The following RAPGEF2 variants were observed in gnomAD, a reference collection of about 807,000 sequenced individuals.
The protein encoded by RAPGEF2 is PDZ domain containing guanine nucleotide exchange factor (GEF) 1.
Under a neutral mutation model 186.7 loss-of-function variants are expected in RAPGEF2, and 54 were observed. The ratio of observed to expected loss-of-function variants is 0.29; its 90% CI spans 0.23 to 0.36. RAPGEF2 has a LOEUF of 0.36. Among genes scored for constraint, RAPGEF2 ranks in the 10% least tolerant of loss-of-function variants. The probability of loss-of-function intolerance (pLI) is 1.00; values close to 1 mark genes in which losing one functional copy is unlikely to be tolerated. For missense variants in RAPGEF2, 1,532 were observed against 2,045.0 expected, an observed-to-expected ratio of 0.75 and a Z score of 4.84; for synonymous variants, 712 against 705.9, an observed-to-expected ratio of 1.01 and a Z score of -0.14.
intron 8 of RAPGEF2, among the ~76,000 whole-genome samples, chr4:159,314,246 A>C (rs1487131749): frequency 2.0e-5 from 3 of 152,234 alleles, no homozygotes; most frequent in Non-Finnish European, 2.9e-5. Flanking sequence ...CAGAATTGTC[A>C]CCCTTAAGCT....
chr4:159,340,706 C>CACACAT lies in RAPGEF2; in HGVS notation c.2535-857_2535-856insCACATA, dbSNP rs1458099301. On this transcript the variant is annotated intron_variant, in intron 19 of 29. Coordinates refer to ENST00000691494, the MANE Select transcript of RAPGEF2 (RefSeq NM_001394067.2). ...ACACACACACACACACACACACACA[C>CACACAT]ATTTATGGAATTTTCACAGAGAAAG... Among the ~76,000 whole-genome samples the CACACAT allele has an allele frequency of 2.1e-5, 3 of 144,254 alleles. 1 individual carries two copies. The highest frequency in any genetic ancestry group is 3.0e-5 in the Non-Finnish European group (2 of 66,306). 94.6% of individuals were successfully genotyped at this position (144,254 alleles called of 152,430 possible).
chr4:159,293,131 CTA>C (rs780712889), intron 7 of RAPGEF2, among the ~76,000 whole-genome samples: 1 of 151,944 alleles, frequency 6.6e-6, no homozygotes, highest in Non-Finnish European at 1.5e-5. Flanking sequence ...GTATACATGT[CTA>C]TATATGTATT....
intron 1 of RAPGEF2, among the ~76,000 whole-genome samples, chr4:159,112,079 T>C (rs1738558022): frequency 1.3e-5 from 2 of 152,238 alleles, no homozygotes; most frequent in Non-Finnish European, 2.9e-5. Context: ...GTACAGTATA[T>C]GGCCTTTGGA....
chr4:159,311,617 T>C (rs1324239965), intron 8 of RAPGEF2, among the ~76,000 whole-genome samples: 1 of 152,164 alleles, frequency 6.6e-6, no homozygotes, highest in East Asian at 1.9e-4. Context: ...GTGACTTTGC[T>C]AAAATCACAT....
rs79175535 is a variant in RAPGEF2 at position 159,291,933 on chromosome 4, G to A, written c.544-12409G>A. ...AAATTTTAGAAAATGTAGATAAGCAGAAACAAATTTTAATTGTCCATAATC... is the reference window on the plus strand; with the variant it reads ...AAATTTTAGAAAATGTAGATAAGCAAAAACAAATTTTAATTGTCCATAATC... On this transcript the variant is annotated intron_variant, in intron 7 of 29. Transcript: ENST00000691494. Among the ~76,000 whole-genome samples the A allele has an allele frequency of 9.0e-3, 1,377 of 152,166 alleles. 18 individuals carry two copies. Among genetic ancestry groups the A allele is most frequent in the African/African-American group, 0.031 (1,279 of 41,508 alleles).
chr4:159,343,517 A>G (rs1167033386), intron 22 of RAPGEF2, 113 bp downstream of exon 22: 10 of 1,355,374 alleles, frequency 7.4e-6, no homozygotes, highest in African/African-American at 1.5e-5. Context: ...TACGGCAGAA[A>G]TTATAGTAGG....
Position 159,356,162 on chromosome 4 carries a change from T to C in RAPGEF2, c.4957+4T>C. On this transcript the variant is annotated splice_donor_region_variant and intron_variant, in intron 29 of 29. Transcript: ENST00000691494. ...GGGTTTTCCACCGAGGAGGATGGTA[T>C]ATGCACATAAATATTCCTAAAACCT... The C allele has an allele frequency of 6.2e-7, 1 of 1,610,638 alleles. No homozygotes were observed. Among genetic ancestry groups the C allele is most frequent in the Non-Finnish European group, 8.5e-7 (1 of 1,177,214 alleles).
At chr4:159,121,555 G>A (rs1054352654) in intron 1 of RAPGEF2, among the ~76,000 whole-genome samples, 11 of 151,878 alleles carry the variant, frequency 7.2e-5, no homozygotes, top group African/African-American at 2.7e-4. Context: ...TTTTTGTGGA[G>A]ATGGGATCTC....
chr4:159,185,810 C>T (rs1425180077), intron 1 of RAPGEF2, among the ~76,000 whole-genome samples: 1 of 152,040 alleles, frequency 6.6e-6, no homozygotes, highest in East Asian at 1.9e-4. Context: ...GTATGTGAAT[C>T]ATCAGTAAAT....
At chr4:159,251,742 C>T (rs1321384806) in intron 7 of RAPGEF2, among the ~76,000 whole-genome samples, 3 of 151,996 alleles carry the variant, frequency 2.0e-5, no homozygotes, top group Admixed American at 6.6e-5. Flanking sequence ...CCTGTCAAAA[C>T]GGGCCAATCA....
chr4:159,104,186 C>T lies in RAPGEF2; in HGVS notation c.24C>T (p.Ser8=), dbSNP rs1450976688. MASYVDN[S]FRQAVMKNPP... is the part of the protein sequence containing the mutation. Reference sequence around the variant, plus strand: ...AGATGGCGTCCTACGTAGATAACAGCTTCCGCCAGGCGGTGATGAAGAATC... The same window carrying T: ...AGATGGCGTCCTACGTAGATAACAGTTTCCGCCAGGCGGTGATGAAGAATC... Residue 8 remains serine, a synonymous_variant, in exon 1 of 30, where the codon AGC becomes AGT. Transcript: ENST00000691494. 7 of 1,527,618 alleles carry T rather than the reference C, an allele frequency of 4.6e-6. No individual in the cohort carries two copies. The highest frequency in any genetic ancestry group is 2.6e-6 in the Non-Finnish European group (3 of 1,142,166). The allele number at this position is 1,527,618 out of a possible 1,614,324, so 94.6% of individuals were successfully genotyped here. A position where few individuals can be genotyped will look rare whatever the true frequency, so the allele number is the denominator to read the frequency against.
intron 18 of RAPGEF2, 126 bp from the exon 19 acceptor site, chr4:159,338,988 G>C: frequency 8.8e-7 from 1 of 1,130,374 alleles, no homozygotes; most frequent in Non-Finnish European, 1.3e-6. Flanking sequence ...AAGACCTAGA[G>C]TAAGGGAGAG....
chr4:159,155,923 G>A (rs1477819963), intron 1 of RAPGEF2, among the ~76,000 whole-genome samples: 2 of 151,890 alleles, frequency 1.3e-5, no homozygotes, highest in Non-Finnish European at 1.5e-5. Context: ...CTTTTACTTT[G>A]ATTCATAGGT....
At chr4:159,226,200 G>T (rs918841726) in intron 4 of RAPGEF2, among the ~76,000 whole-genome samples, 1 of 152,092 alleles carries the variant, frequency 6.6e-6, no homozygotes, top group Non-Finnish European at 1.5e-5. Context: ...TCTTCCTACA[G>T]ATATTCAGTT....
Position 159,223,903 on chromosome 4 carries a change from CT to C in RAPGEF2, c.281+13333del, listed in dbSNP as rs759609353. On this transcript the variant is annotated intron_variant, in intron 4 of 29. Coordinates refer to ENST00000691494, the MANE Select transcript of RAPGEF2 (RefSeq NM_001394067.2). ...ATAGCCATTATCCCATTTAAGTGAA[CT>C]TTTTTTTTTTTTGAGACAGAGTCTC... Among the ~76,000 whole-genome samples, 577 of 145,778 alleles carry C rather than the reference CT, an allele frequency of 4.0e-3. 1 individual carries two copies. Among genetic ancestry groups the C allele is most frequent in the African/African-American group, 0.011 (421 of 40,030 alleles).
At chr4:159,146,800 C>T (rs951303431) in intron 1 of RAPGEF2, among the ~76,000 whole-genome samples, 5 of 152,044 alleles carry the variant, frequency 3.3e-5, no homozygotes, top group Admixed American at 3.3e-4. Context: ...GTCATTTCTC[C>T]CCAGCTTTCA....
chr4:159,322,109 G>A (rs1765305565), intron 9 of RAPGEF2, among the ~76,000 whole-genome samples: 1 of 152,096 alleles, frequency 6.6e-6, no homozygotes, highest in Admixed American at 6.5e-5. Flanking sequence ...TATTAGAACT[G>A]GAGTTACAAT....
intron 3 of RAPGEF2, among the ~76,000 whole-genome samples, chr4:159,195,881 T>TTG (rs1398918260): frequency 1.1e-4 from 6 of 54,110 alleles, no homozygotes; most frequent in Non-Finnish European, 1.9e-4. Flanking sequence ...ACCTGTTTTT[T>TTG]TTTTTTTTTT....
Position 159,338,410 on chromosome 4 carries a change from C to T in RAPGEF2, c.2235C>T (p.Ser745=). The change falls in exon 18 of 30, where the codon TCC becomes TCT. Residue 745 remains serine, a synonymous_variant. Coordinates refer to ENST00000691494, the MANE Select transcript of RAPGEF2 (RefSeq NM_001394067.2). ...TALPVSGTLS[S]SNPDLLQSHH... ...TGCCTGTCAGTGGAACCTTATCATC[C>T]AGTAATCCTGATTTATTGCAGTCAC... 1 of 1,614,124 alleles carries T rather than the reference C, an allele frequency of 6.2e-7. No individual in the cohort carries two copies. The highest frequency in any genetic ancestry group is 8.5e-7 in the Non-Finnish European group (1 of 1,179,950).
Sources: allele counts gnomAD v4.1 joint callset (sites outside exome capture counted in the v4.1 genomes callset), GRCh38; gene constraint gnomAD v4.1.1; transcripts MANE v1.5; gene names NCBI Gene and HGNC (gene_info 2026-07-23, HGNC 2026-07-21).